The following ALKBH7 variants were observed in gnomAD, a reference collection of about 807,000 sequenced individuals.
ALKBH7 encodes the protein RNA demethylase ALKBH7, mitochondrial.
A neutral mutation model predicts 19.3 loss-of-function variants in ALKBH7; 21 were observed. That is an observed-to-expected ratio of 1.09 (90% CI 0.77 to 1.56). The LOEUF (loss-of-function observed/expected upper bound fraction) is 1.56, where lower values mean the gene tolerates loss of function less well. ALKBH7 is among the 40% of genes most tolerant of loss of function. The probability of loss-of-function intolerance (pLI) is 0.00; values close to 1 mark genes in which losing one functional copy is unlikely to be tolerated. For synonymous variants in ALKBH7, 147 were observed against 139.5 expected (o/e 1.05, Z -0.38); for missense variants, 354 against 311.4 (o/e 1.14, Z -1.03).
At position 6,372,807 on chromosome 19, in the gene ALKBH7, C is replaced by T; in HGVS notation, c.-14C>T. The T allele has an allele frequency of 6.5e-7, 1 of 1,539,510 alleles. No homozygotes were observed. Reference sequence around the variant, plus strand: ...CCCCAACCCTGCCCTCTCTCATGACCCCGCTCCGGGATTATGGCCGGGACT... The same window carrying T: ...CCCCAACCCTGCCCTCTCTCATGACTCCGCTCCGGGATTATGGCCGGGACT... On this transcript the variant is annotated 5_prime_UTR_variant, in exon 1 of 4. Coordinates refer to ENST00000245812, the MANE Select transcript of ALKBH7 (RefSeq NM_032306.4).
intron 1 of ALKBH7, chr19:6,373,501 C>G (rs573411093): frequency 6.8e-6 from 4 of 586,090 alleles, no homozygotes; most frequent in Non-Finnish European, 1.0e-5. Flanking sequence ...GGTGCGATTA[C>G]GCTGCTAGCA....
In ALKBH7 at chr19:6,374,383, A is replaced by G. The variant is rs867047667; in HGVS notation, c.378+7A>G. The stretch of plus-strand genomic sequence containing the variant: ...CCACGTGGACAGCATCAAGGTGGGC[A>G]GAGGACGGTGCCTTGGCACTCCCAG... On this transcript the variant is annotated splice_region_variant and intron_variant, in intron 2 of 3. Coordinates refer to ENST00000245812, the MANE Select transcript of ALKBH7 (RefSeq NM_032306.4). The G allele has an allele frequency of 6.2e-7, 1 of 1,606,280 alleles. No individual in the cohort carries two copies. The highest frequency in any genetic ancestry group is 1.1e-5 in the South Asian group (1 of 90,806).
intron 1 of ALKBH7, chr19:6,373,520 G>A: frequency 1.5e-6 from 1 of 681,690 alleles, no homozygotes; most frequent in Non-Finnish European, 2.1e-6. Flanking sequence ...CAGTTACAGT[G>A]CAGAAGAACG....
intron 1 of ALKBH7, 129 bp downstream of exon 1, chr19:6,373,153 G>A: frequency 7.8e-7 from 1 of 1,274,954 alleles, no homozygotes; most frequent in Non-Finnish European, 1.1e-6. Context: ...AGCGGGGACA[G>A]AGGAGACGAG....
At chr19:6,373,779 T>A in intron 1 of ALKBH7, 1 of 978,454 alleles carries the variant, frequency 1.0e-6, no homozygotes, top group Non-Finnish European at 1.2e-6. Context: ...TGGGCTATGG[T>A]GGGGGCTGGG....
At chr19:6,374,657 C>T (rs969873919) in intron 3 of ALKBH7, 68 bp downstream of exon 3, 1 of 1,609,124 alleles carries the variant, frequency 6.2e-7, no homozygotes, top group African/African-American at 1.3e-5. Context: ...GCCCTGGGTA[C>T]TTTCCCTCAA....
intron 1 of ALKBH7, 119 bp downstream of exon 1, chr19:6,373,143 A>T (rs1320607728): frequency 7.6e-7 from 1 of 1,312,836 alleles, no homozygotes; most frequent in Non-Finnish European, 1.0e-6. Context: ...GGGGATTTGG[A>T]GCGGGGACAG....
rs545213377 is a variant in ALKBH7 at position 6,374,369 on chromosome 19, G to A, written c.371G>A (p.Ser124Asn). The A allele has an allele frequency of 2.9e-5, 47 of 1,607,918 alleles. No individual in the cohort carries two copies. In the South Asian group the frequency reaches 4.8e-4, roughly 17 times the overall value. Reference protein sequence around the residue: ...ARGYIKPHVDSIKFCGATIAG... With the variant: ...ARGYIKPHVDNIKFCGATIAG... Reference sequence around the variant, plus strand: ...GGCTACATCAAGCCCCACGTGGACAGCATCAAGGTGGGCAGAGGACGGTGC... The same window carrying A: ...GGCTACATCAAGCCCCACGTGGACAACATCAAGGTGGGCAGAGGACGGTGC... Residue 124 changes from serine to asparagine, a missense_variant, in exon 2 of 4, where the codon AGC becomes AAC. Coordinates refer to ENST00000245812, the MANE Select transcript of ALKBH7 (RefSeq NM_032306.4).
At chr19:6,374,612 C>T (rs2091911834) in intron 3 of ALKBH7, 23 bp downstream of exon 3, 1 of 1,612,416 alleles carries the variant, frequency 6.2e-7, no homozygotes, top group African/African-American at 1.3e-5. Flanking sequence ...AGGCAGCACC[C>T]ACCCCTCCAA....
rs1180779757 is a variant in ALKBH7 at position 6,372,925 on chromosome 19, GCGGCCTGGCTTCCTGAGCA to G, written c.110_128del (p.Pro37GlnfsTer6). 7 of 1,563,406 alleles carry G rather than the reference GCGGCCTGGCTTCCTGAGCA, an allele frequency of 4.5e-6. No individual in the cohort carries two copies. Among genetic ancestry groups the G allele is most frequent in the Non-Finnish European group, 6.1e-6 (7 of 1,156,972 alleles). On this transcript the variant is annotated frameshift_variant, in exon 1 of 4. Coordinates refer to ENST00000245812, the MANE Select transcript of ALKBH7 (RefSeq NM_032306.4). LOFTEE classifies it high-confidence loss of function. ...GCCGCCTGCAGGACGCGGCCGTGGT[GCGGCCTGGCTTCCTGAGCA>G]CGGCAGAGGAGGAGACGCTGAGCCG... is the stretch of plus-strand genomic sequence containing the variant.
intron 3 of ALKBH7, 45 bp from the exon 4 acceptor site, chr19:6,374,766 G>A (rs200043547): frequency 1.6e-4 from 254 of 1,598,114 alleles, no homozygotes; most frequent in Non-Finnish European, 2.0e-4. Flanking sequence ...CCTGGAGCAG[G>A]GGCTGCCCTC....
In ALKBH7 at chr19:6,372,968, C is replaced by T; in HGVS notation, c.148C>T (p.Arg50Ter). The change falls in exon 1 of 4, where the codon CGA becomes TGA. Residue 50 changes from arginine (R) to a stop codon, truncating the protein, a stop_gained. Transcript: ENST00000245812. LOFTEE classifies it high-confidence loss of function. Reference sequence around the variant, plus strand: ...CACGGCAGAGGAGGAGACGCTGAGCCGAGAACTGGAGCCCGAGCTGCGCCG... The same window carrying T: ...CACGGCAGAGGAGGAGACGCTGAGCTGAGAACTGGAGCCCGAGCTGCGCCG... ...LSTAEEETLSRELEPELRRRR... is the reference protein window; with the variant it reads ...LSTAEEETLS The T allele has an allele frequency of 6.3e-7, 1 of 1,576,892 alleles. No homozygotes were observed. The highest frequency in any genetic ancestry group is 8.6e-7 in the Non-Finnish European group (1 of 1,164,216).
Position 6,374,193 on chromosome 19 carries a change from C to G in ALKBH7, c.205-10C>G, listed in dbSNP as rs374929974. On this transcript the variant is annotated splice_polypyrimidine_tract_variant and intron_variant, in intron 1 of 3. Transcript: ENST00000245812. ...GGGAGCTCCCAGGCTTAACCGAGCT[C>G]TCTGTGCAGGCCATCCACGGCTTCC... is the stretch of plus-strand genomic sequence containing the variant. 2.2e-5 allele frequency: 36 copies of G among 1,610,870 alleles called. No homozygotes were observed. Among genetic ancestry groups the G allele is most frequent in the Non-Finnish European group, 2.9e-5 (34 of 1,179,208 alleles).
Position 6,374,112 on chromosome 19 carries a change from A to C in ALKBH7, c.205-91A>C. The C allele has an allele frequency of 7.6e-6, 12 of 1,579,282 alleles. No individual in the cohort carries two copies. The South Asian group carries it at 1.3e-4, about 17-fold the overall frequency. On this transcript the variant is annotated intron_variant, in intron 1 of 3. Coordinates refer to ENST00000245812, the MANE Select transcript of ALKBH7 (RefSeq NM_032306.4). ...GGGCAGGGTCAAGAGTCACATAGGG[A>C]AACCAGCCCCTTGCCGTTTTCTGCC...
rs2091908479 is a variant in ALKBH7 at position 6,374,252 on chromosome 19, G to A, written c.254G>A (p.Ser85Asn). Residue 85 changes from serine (S) to asparagine (N), a missense_variant, in exon 2 of 4, where the codon AGC becomes AAC. By Grantham distance (46) the Ser-to-Asn change is conservative. Coordinates refer to ENST00000245812, the MANE Select transcript of ALKBH7 (RefSeq NM_032306.4). Reference sequence around the variant, plus strand: ...GAGAAGTCGCGCTGGTCAGAAGCCAGCCGGGCCATCCTGCAGCGCGTGCAG... The same window carrying A: ...GAGAAGTCGCGCTGGTCAGAAGCCAACCGGGCCATCCTGCAGCGCGTGCAG... ...ETEKSRWSEA[S>N]RAILQRVQAA... The A allele has an allele frequency of 2.5e-6, 4 of 1,613,326 alleles. No individual in the cohort carries two copies. The highest frequency in any genetic ancestry group is 1.1e-5 in the South Asian group (1 of 91,088).
intron 2 of ALKBH7, 37 bp downstream of exon 2, chr19:6,374,413 G>C: frequency 6.2e-7 from 1 of 1,604,064 alleles, no homozygotes; most frequent in Non-Finnish European, 8.5e-7. Flanking sequence ...TCCCAGCCAG[G>C]GGGTAGGCAG....
chr19:6,374,864 T>C lies in ALKBH7; in HGVS notation c.557T>C (p.Phe186Ser), dbSNP rs778396957. Residue 186 changes from phenylalanine (F) to serine (S), a missense_variant, in exon 4 of 4, where the codon TTC (phenylalanine) becomes TCC (serine). Transcript: ENST00000245812. ...SHEILRDEES[F>S]FGERRIPRGR... Reference sequence around the variant, plus strand: ...GAGATCCTTCGGGATGAAGAGTCCTTCTTTGGGGAACGCCGGATTCCCCGG... The same window carrying C: ...GAGATCCTTCGGGATGAAGAGTCCTCCTTTGGGGAACGCCGGATTCCCCGG... 6.2e-7 allele frequency: 1 copy of C among 1,614,056 alleles called. No individual in the cohort carries two copies. The highest frequency in any genetic ancestry group is 1.1e-5 in the South Asian group (1 of 91,066).
At chr19:6,373,860 C>T (rs2091906130) in intron 1 of ALKBH7, 2 of 1,309,254 alleles carry the variant, frequency 1.5e-6, no homozygotes, top group Non-Finnish European at 1.9e-6. Flanking sequence ...AGCACTTTTG[C>T]GACCTGGGAC....
chr19:6,373,995 G>A, intron 1 of ALKBH7: 2 of 985,084 alleles, frequency 2.0e-6, no homozygotes, highest in Non-Finnish European at 2.4e-6. Flanking sequence ...CCAGCATTGG[G>A]GACCTGGAAT....
Sources: gnomAD v4.1 joint callset for allele counts on GRCh38, gnomAD v4.1.1 for gene constraint, MANE v1.5 for transcripts, NCBI Gene and HGNC (gene_info 2026-07-23, HGNC 2026-07-21) for gene names.